SMAD9: variants seen among roughly 807,000 people sequenced by gnomAD.
SMAD9 encodes MAD homolog 9.
SMAD9 carries 36 observed loss-of-function variants against 46.1 expected under a neutral mutation model. That is an observed-to-expected ratio of 0.78 (90% CI 0.60 to 1.03). SMAD9 has a LOEUF of 1.03. SMAD9 is among the 50% of genes least tolerant of loss of function. The pLI, the probability that SMAD9 is intolerant of heterozygous loss-of-function variation, is 0.00. For synonymous variants in SMAD9, 245 were observed against 237.1 expected, an observed-to-expected ratio of 1.03 and a Z score of -0.31; for missense variants, 572 against 599.8, an observed-to-expected ratio of 0.95 and a Z score of 0.48.
intron 6 of SMAD9, chr13:36,849,275 TTC>T (rs10555873): frequency 0.77 from 117,446 of 152,672 alleles, 44,978 homozygotes; most frequent in East Asian, 0.86. Flanking sequence ...AGCTTGCTTA[TTC>T]TCTCTCTCTC....
At chr13:36,917,525 T>C (rs577207237) in intron 1 of SMAD9, among the ~76,000 whole-genome samples, 2 of 152,350 alleles carry the variant, frequency 1.3e-5, no homozygotes, top group Non-Finnish European at 2.9e-5. Flanking sequence ...CTGCTATATT[T>C]ACTGTTTCAT....
intron 1 of SMAD9, among the ~76,000 whole-genome samples, chr13:36,907,477 G>A (rs1393487829): frequency 2.0e-5 from 3 of 152,172 alleles, no homozygotes; most frequent in African/African-American, 7.2e-5. Context: ...AGACTAGCTT[G>A]GGCAACAGAG....
intron 3 of SMAD9, among the ~76,000 whole-genome samples, chr13:36,871,971 C>T (rs622085): frequency 0.26 from 38,833 of 152,090 alleles, 5,447 homozygotes; most frequent in East Asian, 0.5. Flanking sequence ...CAGCTCCGCA[C>T]AGTATTTATC....
At chr13:36,890,948 C>T (rs144336778) in intron 1 of SMAD9, among the ~76,000 whole-genome samples, 22 of 152,214 alleles carry the variant, frequency 1.4e-4, no homozygotes, top group South Asian at 6.2e-4. Context: ...TTCTTCAAAA[C>T]GTTCCCTATT....
intron 1 of SMAD9, among the ~76,000 whole-genome samples, chr13:36,894,003 T>C (rs2058509011): frequency 6.6e-6 from 1 of 152,174 alleles, no homozygotes; most frequent in African/African-American, 2.4e-5. Flanking sequence ...TTATATAACA[T>C]GGTCCCTGCT....
At chr13:36,919,909 G>A (rs1283004987) in intron 1 of SMAD9, among the ~76,000 whole-genome samples, 2 of 150,358 alleles carry the variant, frequency 1.3e-5, no homozygotes, top group African/African-American at 2.4e-5. Context: ...TCACGCCGAG[G>A]AGCCTCCCAG....
intron 5 of SMAD9, among the ~76,000 whole-genome samples, chr13:36,860,058 T>C (rs1019953034): frequency 2.0e-5 from 3 of 152,208 alleles, no homozygotes; most frequent in African/African-American, 7.2e-5. Context: ...CATTCTTTAT[T>C]CCTTTCCTTT....
At chr13:36,886,212 T>G (rs891603198) in intron 1 of SMAD9, among the ~76,000 whole-genome samples, 1 of 152,236 alleles carries the variant, frequency 6.6e-6, no homozygotes, top group African/African-American at 2.4e-5. Context: ...TTCAGACCCC[T>G]GCAGTTTGGC....
intron 5 of SMAD9, 121 bp from the exon 6 acceptor site, chr13:36,853,796 G>C: frequency 1.0e-6 from 1 of 959,620 alleles, no homozygotes. Context: ...CTGATCAGAT[G>C]AATGAGATGT....
At chr13:36,911,183 T>C (rs1182247312) in intron 1 of SMAD9, among the ~76,000 whole-genome samples, 2 of 151,974 alleles carry the variant, frequency 1.3e-5, no homozygotes, top group African/African-American at 2.4e-5. Context: ...ATTTTTAAAA[T>C]ATTTTTCTCA....
Position 36,906,901 on chromosome 13 carries a change from C to A in SMAD9, c.-187+13215G>T, listed in dbSNP as rs1285153657. On this transcript the variant is annotated intron_variant, in intron 1 of 6. Coordinates refer to ENST00000379826, the MANE Select transcript of SMAD9 (RefSeq NM_001127217.3). The stretch of plus-strand genomic sequence containing the variant: ...ATTACCATGTGAGCCAGTAACTGCA[C>A]TCCTAATTATACACCAAAAACAAGA... Among the ~76,000 whole-genome samples, 5 of 152,296 alleles carry A rather than the reference C, an allele frequency of 3.3e-5. No individual in the cohort carries two copies. In the East Asian group the frequency reaches 9.6e-4, roughly 29 times the overall value.
At chr13:36,916,641 G>C (rs1384898528) in intron 1 of SMAD9, among the ~76,000 whole-genome samples, 1 of 152,154 alleles carries the variant, frequency 6.6e-6, no homozygotes, top group Non-Finnish European at 1.5e-5. Flanking sequence ...AAAAAAGGTA[G>C]ATGAAACAGT....
intron 6 of SMAD9, among the ~76,000 whole-genome samples, chr13:36,850,409 T>C (rs2058064891): frequency 6.6e-6 from 1 of 152,188 alleles, no homozygotes. Flanking sequence ...AGATGGAGTC[T>C]GGCTCTGTCA....
At chr13:36,866,766 C>A (rs1451183770) in intron 4 of SMAD9, among the ~76,000 whole-genome samples, 3 of 152,088 alleles carry the variant, frequency 2.0e-5, no homozygotes, top group Admixed American at 6.6e-5. Flanking sequence ...TTGGACCCCA[C>A]CGTAAGATCT....
intron 5 of SMAD9, among the ~76,000 whole-genome samples, chr13:36,858,013 G>A (rs2058143206): frequency 6.6e-6 from 1 of 151,950 alleles, no homozygotes; most frequent in African/African-American, 2.4e-5. Flanking sequence ...CCAATAGATG[G>A]GAAAAAGGAT....
At chr13:36,858,731 T>C (rs1342092576) in intron 5 of SMAD9, among the ~76,000 whole-genome samples, 2 of 152,044 alleles carry the variant, frequency 1.3e-5, no homozygotes, top group African/African-American at 2.4e-5. Context: ...AAAAGAAAAA[T>C]CAGCCACAAA....
At chr13:36,879,984 G>A (rs2058388709) in intron 1 of SMAD9, 109 bp from the exon 2 acceptor site, 1 of 433,828 alleles carries the variant, frequency 2.3e-6, no homozygotes, top group Non-Finnish European at 4.2e-6. Context: ...CTACTCAAGT[G>A]GGTGAATGGC....
At chr13:36,880,782 T>A (rs1277967077) in intron 1 of SMAD9, among the ~76,000 whole-genome samples, 1 of 152,218 alleles carries the variant, frequency 6.6e-6, no homozygotes, top group African/African-American at 2.4e-5. Context: ...TTTGCAGTAA[T>A]ATAAAACAAT....
intron 1 of SMAD9, among the ~76,000 whole-genome samples, chr13:36,918,688 G>C (rs2058717475): frequency 6.6e-6 from 1 of 152,140 alleles, no homozygotes; most frequent in African/African-American, 2.4e-5. Flanking sequence ...CTCTTATATT[G>C]AATCTTTGTC....
Sources: allele counts gnomAD v4.1 joint callset (sites outside exome capture counted in the v4.1 genomes callset), GRCh38; gene constraint gnomAD v4.1.1; transcripts MANE v1.5; gene names NCBI Gene and HGNC (gene_info 2026-07-23, HGNC 2026-07-21).